TRPM3: variants seen among roughly 807,000 people sequenced by gnomAD.
TRPM3 encodes long transient receptor potential channel 3.
A neutral mutation model predicts 181.2 loss-of-function variants in TRPM3; 77 were observed. The ratio of observed to expected loss-of-function variants is 0.42; its 90% CI spans 0.35 to 0.51. The LOEUF is 0.51. Ranked by LOEUF, TRPM3 falls within the 20% of genes least tolerant of loss-of-function variation. TRPM3 has a pLI of 0.01. For synonymous variants in TRPM3, 745 were observed against 796.4 expected (o/e 0.94, Z 1.09); for missense variants, 1,759 against 2,196.7 (o/e 0.80, Z 3.98).
chr9:71,300,111 T>A (rs2086640595), intron 1 of TRPM3, among the ~76,000 whole-genome samples: 1 of 152,166 alleles, frequency 6.6e-6, no homozygotes, highest in Non-Finnish European at 1.5e-5. Context: ...ACACTGTTCC[T>A]TATTTCATGG....
chr9:71,284,571 G>C (rs74710981), intron 1 of TRPM3, among the ~76,000 whole-genome samples: 2,924 of 152,182 alleles, frequency 0.019, 52 homozygotes, highest in East Asian at 0.074. Flanking sequence ...TAAGTGGTGA[G>C]GTCACACATT....
At chr9:70,767,104 A>T (rs1314555721) in intron 7 of TRPM3, among the ~76,000 whole-genome samples, 1 of 152,210 alleles carries the variant, frequency 6.6e-6, no homozygotes, top group Non-Finnish European at 1.5e-5. Context: ...CTAGTGGGCC[A>T]GGGCCTCTAT....
At chr9:70,676,449 A>G (rs184252222) in intron 9 of TRPM3, among the ~76,000 whole-genome samples, 1 of 152,322 alleles carries the variant, frequency 6.6e-6, no homozygotes, top group East Asian at 1.9e-4. Context: ...GCCTGGAGCA[A>G]GAGGTTTATG....
rs1304344601 is a variant in TRPM3, at chr9:70,608,943, AAAAG to A, written c.2667+1662_2667+1665del. 3.3e-5 allele frequency among the ~76,000 whole-genome samples: 5 copies of A among 152,214 alleles called. No individual in the cohort carries two copies. In the South Asian group the frequency reaches 1.0e-3, roughly 32 times the overall value. On this transcript the variant is annotated intron_variant, in intron 19 of 25. Transcript: ENST00000677713. ...GCCTCAAACTTAGTAGGTGCTCAAT[AAAAG>A]AAAGATATTATTTTTGTTGAGTGGA...
chr9:71,211,558 G>C (rs1481252415), intron 1 of TRPM3, among the ~76,000 whole-genome samples: 1 of 152,046 alleles, frequency 6.6e-6, no homozygotes, highest in Non-Finnish European at 1.5e-5. Flanking sequence ...CCAAGATCAG[G>C]GTGTTGTTGG....
At chr9:71,233,530 A>G (rs2081191765) in intron 1 of TRPM3, among the ~76,000 whole-genome samples, 1 of 152,240 alleles carries the variant, frequency 6.6e-6, no homozygotes, top group Non-Finnish European at 1.5e-5. Flanking sequence ...CTGCACCATA[A>G]AAACAAAAAA....
intron 1 of TRPM3, among the ~76,000 whole-genome samples, chr9:71,077,721 G>A (rs1408441421): frequency 6.7e-6 from 1 of 148,256 alleles, no homozygotes; most frequent in Non-Finnish European, 1.5e-5. Flanking sequence ...AGACCGTGAA[G>A]ACAGAGAGAG....
At chr9:70,827,797 T>G (rs746716561) in intron 6 of TRPM3, 50 bp downstream of exon 6, 2 of 1,588,054 alleles carry the variant, frequency 1.3e-6, no homozygotes, top group Non-Finnish European at 1.7e-6. Flanking sequence ...AGTTATTCAC[T>G]TTCAGCATAC....
Position 71,430,950 on chromosome 9 carries a change from G to T in TRPM3, c.183+15703C>A, listed in dbSNP as rs77638829. On this transcript the variant is annotated intron_variant, in intron 1 of 24. Transcript: ENST00000357533. Reference sequence around the variant, plus strand: ...AGTTTCTTGCCATAATAAGTAGGAAGCATAAAACATAAATCCATCCTCTTA... The same window carrying T: ...AGTTTCTTGCCATAATAAGTAGGAATCATAAAACATAAATCCATCCTCTTA... Among the ~76,000 whole-genome samples the T allele has an allele frequency of 4.1e-3, 623 of 152,256 alleles. 5 individuals carry two copies. Among genetic ancestry groups the T allele is most frequent in the African/African-American group, 0.012 (505 of 41,538 alleles).
chr9:71,131,465 G>A (rs2183301), intron 1 of TRPM3, among the ~76,000 whole-genome samples: 26,029 of 152,104 alleles, frequency 0.17, 2,780 homozygotes, highest in Middle Eastern at 0.32. Context: ...GGCAATTGTC[G>A]ACTGTATCCC....
chr9:71,206,171 ACT>A (rs544089320), intron 1 of TRPM3, among the ~76,000 whole-genome samples: 208 of 152,288 alleles, frequency 1.4e-3, no homozygotes, highest in African/African-American at 4.6e-3. Flanking sequence ...GAATAGCCAC[ACT>A]GTTTTCTACA....
At chr9:71,132,966 A>T (rs1278828331) in intron 1 of TRPM3, among the ~76,000 whole-genome samples, 1 of 152,132 alleles carries the variant, frequency 6.6e-6, no homozygotes, top group Non-Finnish European at 1.5e-5. Context: ...GTACTCAATC[A>T]TATGTTTTTG....
At chr9:71,031,988 T>TATATA (rs2057402943) in intron 1 of TRPM3, among the ~76,000 whole-genome samples, 1 of 324 alleles carries the variant, frequency 3.1e-3, no homozygotes, top group African/African-American at 8.9e-3. Context: ...ATATATATAT[T>TATATA]ATATATATAT....
At chr9:70,836,460 G>A (rs2094330877) in intron 5 of TRPM3, among the ~76,000 whole-genome samples, 2 of 152,122 alleles carry the variant, frequency 1.3e-5, no homozygotes, top group Admixed American at 1.3e-4. Flanking sequence ...GTGCTGCCTT[G>A]TCACCATTCT....
intron 16 of TRPM3, among the ~76,000 whole-genome samples, 166 bp from the exon 17 acceptor site, chr9:70,619,261 C>G (rs1356045098): frequency 6.6e-6 from 1 of 152,094 alleles, no homozygotes; most frequent in South Asian, 2.1e-4. Context: ...CACTAAGCAT[C>G]TACTATGTGC....
chr9:70,753,578 A>T (rs2076555451), intron 8 of TRPM3, among the ~76,000 whole-genome samples: 1 of 152,190 alleles, frequency 6.6e-6, no homozygotes, highest in African/African-American at 2.4e-5. Context: ...GGGTGGAAAG[A>T]CATAGTGCAA....
At chr9:71,058,342 A>G (rs1200374926) in intron 1 of TRPM3, among the ~76,000 whole-genome samples, 1 of 151,968 alleles carries the variant, frequency 6.6e-6, no homozygotes, top group Non-Finnish European at 1.5e-5. Flanking sequence ...CTTGATATTA[A>G]TATGGGAATT....
chr9:71,368,017 TAC>T (rs2092394755), intron 1 of TRPM3, among the ~76,000 whole-genome samples: 1 of 151,816 alleles, frequency 6.6e-6, no homozygotes, highest in African/African-American at 2.4e-5. Context: ...AGTGTATGTG[TAC>T]ACACACACAT....
intron 1 of TRPM3, among the ~76,000 whole-genome samples, chr9:70,933,206 G>T (rs867344744): frequency 6.6e-6 from 1 of 152,152 alleles, no homozygotes; most frequent in Non-Finnish European, 1.5e-5. Context: ...ATATCTAGGA[G>T]ACAGTTGGGT....
Sources: allele counts gnomAD v4.1 joint callset (sites outside exome capture counted in the v4.1 genomes callset), GRCh38; gene constraint gnomAD v4.1.1; transcripts MANE v1.5; gene names NCBI Gene and HGNC (gene_info 2026-07-23, HGNC 2026-07-21).